Variants in DYNC2H1 observed in about 807,000 individuals in gnomAD.
DYNC2H1 encodes dynein cytoplasmic 2 heavy chain 1.
A neutral mutation model predicts 570.0 loss-of-function variants in DYNC2H1; 410 were observed. The ratio of observed to expected loss-of-function variants is 0.72; its 90% confidence interval spans 0.66 to 0.78. The LOEUF (loss-of-function observed/expected upper bound fraction) is 0.78, where lower values mean the gene tolerates loss of function less well. Among genes scored for constraint, DYNC2H1 ranks in the 30% least tolerant of loss-of-function variants. The probability of loss-of-function intolerance (pLI) is 0.00; values close to 1 mark genes in which losing one functional copy is unlikely to be tolerated. For missense variants in DYNC2H1, 4,865 were observed against 5,046.4 expected (o/e 0.96, Z 1.09); for synonymous variants, 1,688 against 1,677.6 (o/e 1.01, Z -0.15).
intron 70 of DYNC2H1, among the ~76,000 whole-genome samples, chr11:103,271,165 G>A (rs11225641): frequency 0.05 from 7,563 of 152,162 alleles, 252 homozygotes; most frequent in Non-Finnish European, 0.071. Context: ...TTTTTTCTGC[G>A]AAGATTAGTT....
At chr11:103,346,462 G>C (rs1939749789) in intron 82 of DYNC2H1, among the ~76,000 whole-genome samples, 1 of 152,102 alleles carries the variant, frequency 6.6e-6, no homozygotes, top group Non-Finnish European at 1.5e-5. Context: ...ATTTCTAATT[G>C]TAGGCAAATC....
intron 82 of DYNC2H1, among the ~76,000 whole-genome samples, chr11:103,339,361 C>T (rs1939323076): frequency 6.6e-6 from 1 of 152,178 alleles, no homozygotes; most frequent in Admixed American, 6.5e-5. Context: ...GATGTTTATT[C>T]AAGGCTGGAG....
chr11:103,182,218 CTA>C lies in DYNC2H1; in HGVS notation c.6477+340_6477+341del, dbSNP rs1326569193. 4.0e-5 allele frequency among the ~76,000 whole-genome samples: 6 copies of C among 150,456 alleles called. No individual in the cohort carries two copies. The East Asian group carries it at 9.7e-4, about 24-fold the overall frequency. ...TTTTTACTGATATGCCAGTAAATAC[CTA>C]TATATATGACATATGTATATATAAT... On this transcript the variant is annotated intron_variant, in intron 40 of 88. Coordinates refer to ENST00000375735, the MANE Select transcript of DYNC2H1 (RefSeq NM_001377.3).
intron 14 of DYNC2H1, 76 bp from the exon 15 acceptor site, chr11:103,134,245 C>G (rs934535673): frequency 2.4e-6 from 3 of 1,249,056 alleles, no homozygotes; most frequent in Non-Finnish European, 3.5e-6. Flanking sequence ...AAGGTGGTAT[C>G]TGTCAGGTTT....
rs772578074 is a variant in DYNC2H1 at position 103,479,075 on chromosome 11, A to T, written c.12766-20A>T. 4.3e-6 allele frequency: 7 copies of T among 1,612,640 alleles called. No homozygotes were observed. The highest frequency in any genetic ancestry group is 5.9e-6 in the Non-Finnish European group (7 of 1,179,140). ...AAATAGTGTATTGCTTTATTTTAAAACAAGTTATTTTTTAAACAGGATGCA... is the reference window on the plus strand; with the variant it reads ...AAATAGTGTATTGCTTTATTTTAAATCAAGTTATTTTTTAAACAGGATGCA... On this transcript the variant is annotated intron_variant, in intron 88 of 88. Transcript: ENST00000375735.
At chr11:103,153,614 C>T in intron 22 of DYNC2H1, 106 bp downstream of exon 22, 1 of 1,016,752 alleles carries the variant, frequency 9.8e-7, no homozygotes. Flanking sequence ...TCCTCATAAA[C>T]TTCATCACTT....
At chr11:103,330,586 A>T (rs1938732384) in intron 82 of DYNC2H1, among the ~76,000 whole-genome samples, 1 of 111,636 alleles carries the variant, frequency 9.0e-6, no homozygotes, top group South Asian at 2.8e-4. Flanking sequence ...TTTCATTAAT[A>T]TATATCTTTA....
chr11:103,384,902 G>A (rs1941811404), intron 83 of DYNC2H1, among the ~76,000 whole-genome samples: 1 of 152,008 alleles, frequency 6.6e-6, no homozygotes, highest in South Asian at 2.1e-4. Flanking sequence ...GTGAACTCTT[G>A]AGTTTTTATC....
chr11:103,408,948 T>A (rs1236636903), intron 84 of DYNC2H1, among the ~76,000 whole-genome samples: 1 of 152,004 alleles, frequency 6.6e-6, no homozygotes, highest in Non-Finnish European at 1.5e-5. Context: ...CTTGTTTATA[T>A]CCCGCCGGAT....
chr11:103,171,890 T>A (rs1861589454), intron 34 of DYNC2H1, among the ~76,000 whole-genome samples: 1 of 152,170 alleles, frequency 6.6e-6, no homozygotes, highest in South Asian at 2.1e-4. Context: ...TCTATATGAA[T>A]GTTAAAACAA....
At chr11:103,175,225 A>G (rs1450198496) in intron 36 of DYNC2H1, among the ~76,000 whole-genome samples, 2 of 152,216 alleles carry the variant, frequency 1.3e-5, no homozygotes, top group Non-Finnish European at 2.9e-5. Context: ...AGTAGAGACA[A>G]CATAGAAAAA....
intron 25 of DYNC2H1, 125 bp from the exon 26 acceptor site, chr11:103,156,263 T>C (rs939694592): frequency 4.3e-5 from 10 of 234,664 alleles, no homozygotes; most frequent in African/African-American, 2.5e-4. Flanking sequence ...GCCACTTAAC[T>C]TTTTTTTTTT....
chr11:103,329,523 T>C (rs1177741032), intron 82 of DYNC2H1, among the ~76,000 whole-genome samples: 1 of 152,032 alleles, frequency 6.6e-6, no homozygotes, highest in African/African-American at 2.4e-5. Flanking sequence ...CCAGAACCTC[T>C]GTCTCTGCCA....
At chr11:103,118,818 G>A (rs1420034217) in intron 6 of DYNC2H1, among the ~76,000 whole-genome samples, 4 of 152,090 alleles carry the variant, frequency 2.6e-5, no homozygotes, top group Non-Finnish European at 5.9e-5. Flanking sequence ...TGCTATATCA[G>A]GACGTATGTG....
intron 79 of DYNC2H1, among the ~76,000 whole-genome samples, chr11:103,313,067 T>G (rs1159154638): frequency 3.3e-5 from 5 of 152,238 alleles, no homozygotes; most frequent in East Asian, 3.8e-4. Context: ...CTTTTTGCAT[T>G]TAGCAACCAG....
intron 17 of DYNC2H1, among the ~76,000 whole-genome samples, chr11:103,139,788 T>C (rs1476666652): frequency 6.6e-6 from 1 of 152,078 alleles, no homozygotes; most frequent in Non-Finnish European, 1.5e-5. Flanking sequence ...TTCTGTCTCG[T>C]TGATCTGTCT....
At position 103,204,473 on chromosome 11, in the gene DYNC2H1, T is replaced by A. The variant is rs977115307; in HGVS notation, c.8312-349T>A. On this transcript the variant is annotated intron_variant, in intron 51 of 88. Coordinates refer to ENST00000375735, the MANE Select transcript of DYNC2H1 (RefSeq NM_001377.3). The surrounding 1 kb of genome is among the most constrained non-coding windows in gnomAD (Gnocchi z 4.1). The stretch of plus-strand genomic sequence containing the variant: ...TTGAACCATTTAGATTGTGCCAGAC[T>A]TCATAGTTTTAAAAAACTAGCCTTT... 3.9e-5 allele frequency among the ~76,000 whole-genome samples: 6 copies of A among 152,166 alleles called. No individual in the cohort carries two copies. Among genetic ancestry groups the A allele is most frequent in the Admixed American group, 3.9e-4 (6 of 15,262 alleles).
In DYNC2H1 at chr11:103,145,034, C is replaced by A. The variant is rs535358776; in HGVS notation, c.2702+1639C>A. Reference sequence around the variant, plus strand: ...TAGCTGGGACTACAGGCACGTGCCACCACGCCTGGCTAATTTTTTGTATTT... The same window carrying A: ...TAGCTGGGACTACAGGCACGTGCCAACACGCCTGGCTAATTTTTTGTATTT... On this transcript the variant is annotated intron_variant, in intron 18 of 88. Coordinates refer to ENST00000375735, the MANE Select transcript of DYNC2H1 (RefSeq NM_001377.3). The surrounding 1 kb of genome is among the most constrained non-coding windows in gnomAD (Gnocchi z 4.2). 3.9e-5 allele frequency among the ~76,000 whole-genome samples: 6 copies of A among 152,154 alleles called. No individual in the cohort carries two copies. The East Asian group carries it at 1.2e-3, about 29-fold the overall frequency.
chr11:103,234,141 A>G lies in DYNC2H1; in HGVS notation c.9548A>G (p.His3183Arg), dbSNP rs761961611. 5 of 1,584,884 alleles carry G rather than the reference A, an allele frequency of 3.2e-6. No homozygotes were observed. The highest frequency in any genetic ancestry group is 1.7e-4 in the Middle Eastern group (1 of 6,022). The part of the protein sequence containing the change: ...EVLINQLDRE[H>R]KRWNAQVVEI... Reference sequence around the variant, plus strand: ...TTAATTAATCAGCTTGACAGAGAACATAAGAGATGGAATGCACAGGTTTGT... The same window carrying G: ...TTAATTAATCAGCTTGACAGAGAACGTAAGAGATGGAATGCACAGGTTTGT... The change falls in exon 61 of 89, where the codon CAT (histidine) becomes CGT (arginine). Residue 3183 changes from histidine to arginine, a missense_variant. This residue lies in a region of DYNC2H1 where 2,401 missense variants were observed against 2,454.6 expected (regional missense o/e 0.98). Coordinates refer to ENST00000375735, the MANE Select transcript of DYNC2H1 (RefSeq NM_001377.3).
Sources: gnomAD v4.1 joint callset for allele counts (sites outside exome capture counted in the v4.1 genomes callset) on GRCh38, gnomAD v4.1.1 for gene constraint, gnomAD v4.1.1 regional missense constraint, Gnocchi (gnomAD v3.1) non-coding constraint, MANE v1.5 for transcripts, NCBI Gene and HGNC (gene_info 2026-07-23, HGNC 2026-07-21) for gene names.